FFAR4: variants seen among roughly 807,000 people sequenced by gnomAD.
FFAR4 encodes free fatty acid receptor 4.
Under a neutral mutation model 27.0 loss-of-function variants are expected in FFAR4, and 19 were observed. The ratio of observed to expected loss-of-function variants is 0.70; its 90% CI spans 0.49 to 1.03. The LOEUF is 1.03. Ranked by LOEUF, FFAR4 falls within the 50% of genes least tolerant of loss-of-function variation. FFAR4 has a pLI of 0.00. For missense variants in FFAR4, 476 were observed against 479.0 expected (o/e 0.99, Z 0.06); for synonymous variants, 254 against 215.6 (o/e 1.18, Z -1.56).
intron 1 of FFAR4, 149 bp downstream of exon 1, chr10:93,567,436 A>G: frequency 1.4e-6 from 1 of 709,922 alleles, no homozygotes; most frequent in Non-Finnish European, 2.3e-6. Context: ...CATGGCTGTG[A>G]AGTTTAATCT....
At chr10:93,576,970 A>G (rs1028516742) in intron 2 of FFAR4, among the ~76,000 whole-genome samples, 3 of 152,198 alleles carry the variant, frequency 2.0e-5, no homozygotes, top group Admixed American at 6.5e-5. Context: ...CAAGAAATGG[A>G]ATATTACCAG....
chr10:93,583,607 A>G (rs966958073), intron 2 of FFAR4, among the ~76,000 whole-genome samples: 1 of 152,144 alleles, frequency 6.6e-6, no homozygotes, highest in Non-Finnish European at 1.5e-5. Context: ...CAGAGATAGT[A>G]GAGAGTGGGA....
At chr10:93,569,777 C>T (rs1297678598) in intron 1 of FFAR4, among the ~76,000 whole-genome samples, 1 of 151,144 alleles carries the variant, frequency 6.6e-6, no homozygotes, top group Non-Finnish European at 1.5e-5. Flanking sequence ...AAAAAAAAAT[C>T]CCTGGGCATG....
chr10:93,581,146 G>A (rs1184012081), intron 2 of FFAR4, among the ~76,000 whole-genome samples: 1 of 152,234 alleles, frequency 6.6e-6, no homozygotes, highest in Non-Finnish European at 1.5e-5. Flanking sequence ...ACCTATGAGT[G>A]CTTAGCACAT....
intron 1 of FFAR4, among the ~76,000 whole-genome samples, chr10:93,570,298 A>G (rs1277207055): frequency 6.6e-6 from 1 of 151,746 alleles, no homozygotes; most frequent in East Asian, 1.9e-4. Context: ...AAAACATCCA[A>G]TATTATAGGT....
intron 1 of FFAR4, among the ~76,000 whole-genome samples, chr10:93,574,951 G>A (rs982424756): frequency 3.3e-5 from 5 of 152,172 alleles, no homozygotes; most frequent in Admixed American, 2.6e-4. Context: ...AAATGTGGAA[G>A]GATTTAATGA....
chr10:93,588,688 G>C lies in FFAR4; in HGVS notation c.*1079G>C, dbSNP rs1195478278. 6.6e-6 allele frequency: 1 copy of C among 152,174 alleles called. No homozygotes were observed. Among genetic ancestry groups the C allele is most frequent in the African/African-American group, 2.4e-5 (1 of 41,438 alleles). 9.4% of individuals were successfully genotyped at this position (152,174 alleles called of 1,614,324 possible). A position where few individuals can be genotyped will look rare whatever the true frequency, so the allele number is the denominator to read the frequency against. On this transcript the variant is annotated 3_prime_UTR_variant, in exon 3 of 3. Transcript: ENST00000371481. ...AGTCAATAAACTATATCTATATACA[G>C]ATACCTATATATTTGAGATGAGGGT...
intron 2 of FFAR4, among the ~76,000 whole-genome samples, chr10:93,581,492 C>G (rs2058197089): frequency 6.6e-6 from 1 of 152,210 alleles, no homozygotes; most frequent in Non-Finnish European, 1.5e-5. Context: ...GGAACATCCT[C>G]TACCCATCCC....
intron 1 of FFAR4, among the ~76,000 whole-genome samples, chr10:93,567,826 G>T (rs1204314237): frequency 6.6e-6 from 1 of 152,122 alleles, no homozygotes; most frequent in Admixed American, 6.5e-5. Context: ...AAAGCGCGCG[G>T]ACAGGCATGT....
chr10:93,569,329 A>T (rs1305580808), intron 1 of FFAR4, among the ~76,000 whole-genome samples: 2 of 152,202 alleles, frequency 1.3e-5, no homozygotes, highest in East Asian at 1.9e-4. Flanking sequence ...AAATGACATT[A>T]AAAAATAAGA....
intron 1 of FFAR4, among the ~76,000 whole-genome samples, chr10:93,570,581 A>T (rs1367948482): frequency 6.6e-6 from 1 of 152,172 alleles, no homozygotes; most frequent in Non-Finnish European, 1.5e-5. Context: ...AGAATCAACC[A>T]AGCCTAAGCA....
At chr10:93,586,206 G>A (rs2058226026) in intron 2 of FFAR4, among the ~76,000 whole-genome samples, 1 of 152,300 alleles carries the variant, frequency 6.6e-6, no homozygotes, top group South Asian at 2.1e-4. Flanking sequence ...CATGGGGATG[G>A]TTTCCCACAG....
rs927775852 is a variant in FFAR4 at position 93,589,869 on chromosome 10, G to A, written c.*2260G>A. ...AGTGGCTGGAATGCACAGCAGCACG[G>A]GGCCTGGTGTATAGTAGGTGTTCAA... On this transcript the variant is annotated 3_prime_UTR_variant, in exon 3 of 3. Coordinates refer to ENST00000371481, the MANE Select transcript of FFAR4 (RefSeq NM_001195755.2). 6.6e-6 allele frequency: 1 copy of A among 152,330 alleles called. No homozygotes were observed. The highest frequency in any genetic ancestry group is 2.4e-5 in the African/African-American group (1 of 41,560). The allele number at this position is 152,330 out of a possible 1,614,324, so 9.4% of individuals were successfully genotyped here. A position where few individuals can be genotyped will look rare whatever the true frequency, so the allele number is the denominator to read the frequency against.
At chr10:93,579,469 T>C (rs1361460910) in intron 2 of FFAR4, among the ~76,000 whole-genome samples, 1 of 152,150 alleles carries the variant, frequency 6.6e-6, no homozygotes, top group Non-Finnish European at 1.5e-5. Flanking sequence ...CCCACTTCAT[T>C]TAGTTTTTAC....
intron 2 of FFAR4, among the ~76,000 whole-genome samples, chr10:93,579,799 G>A (rs1280917873): frequency 6.6e-6 from 1 of 152,214 alleles, no homozygotes; most frequent in African/African-American, 2.4e-5. Context: ...ACTGGACAAA[G>A]AGTCCTAAGA....
chr10:93,576,045 T>C (rs1170278421), intron 1 of FFAR4, 46 bp from the exon 2 acceptor site: 18 of 1,608,146 alleles, frequency 1.1e-5, no homozygotes, highest in Non-Finnish European at 1.5e-5. Flanking sequence ...CAGAGGCCAA[T>C]AAGAAGCCAG....
At chr10:93,586,552 T>C (rs373688484) in intron 2 of FFAR4, among the ~76,000 whole-genome samples, 2 of 152,104 alleles carry the variant, frequency 1.3e-5, no homozygotes, top group African/African-American at 4.8e-5. Flanking sequence ...TACTCCTCAA[T>C]AGGGGCTAGA....
chr10:93,572,840 G>A lies in FFAR4; in HGVS notation c.568-3251G>A, dbSNP rs578039679. Among the ~76,000 whole-genome samples the A allele has an allele frequency of 4.6e-5, 7 of 152,322 alleles. No homozygotes were observed. In the South Asian group the frequency reaches 1.5e-3, roughly 32 times the overall value. ...TCAGGAAAGCATGCAGCTGAAAAGA[G>A]TAGATTGGAGCTTTACCTGCAAAAG... On this transcript the variant is annotated intron_variant, in intron 1 of 2. Coordinates refer to ENST00000371481, the MANE Select transcript of FFAR4 (RefSeq NM_001195755.2).
At position 93,587,931 on chromosome 10, in the gene FFAR4, A is replaced by T. The variant is rs926610145; in HGVS notation, c.*322A>T. 7.7e-5 allele frequency: 12 copies of T among 155,884 alleles called. No individual in the cohort carries two copies. Among genetic ancestry groups the T allele is most frequent in the Admixed American group, 2.6e-4 (4 of 15,514 alleles). The allele number at this position is 155,884 out of a possible 1,614,324, so 9.7% of individuals were successfully genotyped here. On this transcript the variant is annotated 3_prime_UTR_variant, in exon 3 of 3. Coordinates refer to ENST00000371481, the MANE Select transcript of FFAR4 (RefSeq NM_001195755.2). ...TGAGACCCCCGTCTCTACTAAAAAT[A>T]AAAAAAAAAATTAGCTGGGAGTGGT...
Sources: gnomAD v4.1 joint callset for allele counts (sites outside exome capture counted in the v4.1 genomes callset) on GRCh38, gnomAD v4.1.1 for gene constraint, MANE v1.5 for transcripts, NCBI Gene and HGNC (gene_info 2026-07-23, HGNC 2026-07-21) for gene names.